Variants in COL4A5 observed in about 807,000 individuals in gnomAD.
The protein encoded by COL4A5 is collagen type IV alpha 5 chain.
Under a neutral mutation model 130.2 loss-of-function variants are expected in COL4A5, and 26 were observed. The ratio of observed to expected loss-of-function variants is 0.20; its 90% CI spans 0.15 to 0.28. The LOEUF is 0.28. COL4A5 is among the 10% of genes least tolerant of loss of function. The pLI, the probability that COL4A5 is intolerant of heterozygous loss-of-function variation, is 1.00. For synonymous variants in COL4A5, 496 were observed against 439.6 expected, an observed-to-expected ratio of 1.13 and a Z score of -1.60; for missense variants, 1,131 against 1,344.3, an observed-to-expected ratio of 0.84 and a Z score of 2.48.
intron 1 of COL4A5, among the ~76,000 whole-genome samples, chrX:108,471,126 G>A (rs775373312): frequency 9.0e-6 from 1 of 111,371 alleles, no homozygotes; most frequent in Admixed American, 9.6e-5. Flanking sequence ...TTGGCTATTT[G>A]GGCTCTTTTT....
chrX:108,507,247 CAA>C (rs1195605237), intron 1 of COL4A5, among the ~76,000 whole-genome samples: 1 of 50,873 alleles, frequency 2.0e-5, no homozygotes, highest in African/African-American at 6.0e-5. Flanking sequence ...ACAACAACAA[CAA>C]AAAAAAAAAA....
At chrX:108,681,246 A>G (rs1257240767) in intron 46 of COL4A5, among the ~76,000 whole-genome samples, 1 of 111,462 alleles carries the variant, frequency 9.0e-6, no homozygotes, top group East Asian at 2.8e-4. Context: ...AGATCACAAG[A>G]GCAAGTCACA....
At chrX:108,480,351 C>T (rs772753298) in intron 1 of COL4A5, among the ~76,000 whole-genome samples, 104 of 112,552 alleles carry the variant, frequency 9.2e-4, no homozygotes, top group African/African-American at 3.1e-3. Flanking sequence ...GAATTTTAGT[C>T]GGATTTATTT....
chrX:108,670,566 C>A, intron 42 of COL4A5: 1 of 333,535 alleles, frequency 3.0e-6, no homozygotes, highest in Non-Finnish European at 5.5e-6. Flanking sequence ...TAATTTATAT[C>A]TGTTAATGCA....
intron 29 of COL4A5, 22 bp downstream of exon 29, chrX:108,606,914 C>G (rs193010015): frequency 1.7e-5 from 20 of 1,206,444 alleles, no homozygotes; most frequent in Non-Finnish European, 2.2e-5. Flanking sequence ...GTCACTGCAT[C>G]TCAACTTGCT....
intron 30 of COL4A5, among the ~76,000 whole-genome samples, chrX:108,619,348 C>G (rs750323407): frequency 8.9e-6 from 1 of 111,790 alleles, no homozygotes; most frequent in African/African-American, 3.2e-5. Flanking sequence ...TCTGGCTCAA[C>G]CCCTAGTTTC....
chrX:108,649,540 G>T (rs761863057), intron 36 of COL4A5, among the ~76,000 whole-genome samples: 1 of 111,936 alleles, frequency 8.9e-6, no homozygotes, highest in Non-Finnish European at 1.9e-5. Context: ...AAACAGCATG[G>T]TACTGGTATA....
At position 108,523,033 on chromosome X, in the gene COL4A5, C is replaced by T. The variant is rs762064591; in HGVS notation, c.82-16713C>T. 2.8e-5 allele frequency among the ~76,000 whole-genome samples: 3 copies of T among 108,634 alleles called. No homozygotes were observed. In the South Asian group the frequency reaches 1.3e-3, roughly 45 times the overall value. The allele number at this position is 108,634 out of a possible 115,157, so 94.3% of individuals were successfully genotyped here. On this transcript the variant is annotated intron_variant, in intron 1 of 52. Coordinates refer to ENST00000328300, the MANE Select transcript of COL4A5 (RefSeq NM_033380.3). ...GCTGGAATTACAGGTGCGCGTGCCA[C>T]CATGCCCTAATTTTTGTATTTTTAG...
At chrX:108,560,359 A>C (rs1467062497) in intron 3 of COL4A5, among the ~76,000 whole-genome samples, 1 of 112,550 alleles carries the variant, frequency 8.9e-6, no homozygotes, top group Non-Finnish European at 1.9e-5. Context: ...GACCCCTCAC[A>C]GTTGGCCAGC....
intron 13 of COL4A5, among the ~76,000 whole-genome samples, chrX:108,579,274 G>A (rs2066205409): frequency 8.9e-6 from 1 of 112,312 alleles, no homozygotes; most frequent in Admixed American, 9.4e-5. Context: ...CATACAATAT[G>A]TGGTCTTCTG....
chrX:108,581,873 T>A lies in COL4A5; in HGVS notation c.936+846T>A, dbSNP rs779085505. Among the ~76,000 whole-genome samples, 4 of 110,127 alleles carry A rather than the reference T, an allele frequency of 3.6e-5. No individual in the cohort carries two copies. In the South Asian group the frequency reaches 1.5e-3, roughly 43 times the overall value. Reference sequence around the variant, plus strand: ...TATGAATATAAATATTCCCATACAGTTTTTTTGTGTGTGTGTGAACATGTT... The same window carrying A: ...TATGAATATAAATATTCCCATACAGATTTTTTGTGTGTGTGTGAACATGTT... On this transcript the variant is annotated intron_variant, in intron 16 of 52. Transcript: ENST00000328300.
intron 8 of COL4A5, among the ~76,000 whole-genome samples, chrX:108,572,041 G>A (rs2066073680): frequency 9.0e-6 from 1 of 111,658 alleles, no homozygotes; most frequent in Non-Finnish European, 1.9e-5. Flanking sequence ...ACTTGAAAAT[G>A]TGTATATCAG....
Position 108,488,511 on chromosome X carries a change from G to A in COL4A5, c.81+48305G>A, listed in dbSNP as rs143588358. Reference sequence around the variant, plus strand: ...TCATTTTGGTAGATATTGCCAGAATGTCCTCTATAGAAGTTGTGCCCAATT... The same window carrying A: ...TCATTTTGGTAGATATTGCCAGAATATCCTCTATAGAAGTTGTGCCCAATT... On this transcript the variant is annotated intron_variant, in intron 1 of 52. Coordinates refer to ENST00000328300, the MANE Select transcript of COL4A5 (RefSeq NM_033380.3). Among the ~76,000 whole-genome samples the A allele has an allele frequency of 7.2e-3, 807 of 112,085 alleles. 27 individuals carry two copies. In the East Asian group the frequency reaches 0.13, roughly 18 times the overall value.
intron 1 of COL4A5, among the ~76,000 whole-genome samples, chrX:108,491,038 A>T (rs1374217023): frequency 8.9e-6 from 1 of 111,989 alleles, no homozygotes; most frequent in Admixed American, 9.5e-5. Context: ...CATTTTCTTT[A>T]TCCAGTCTGT....
chrX:108,591,192 C>A lies in COL4A5; in HGVS notation c.1300C>A (p.Pro434Thr). 1.7e-6 allele frequency: 2 copies of A among 1,209,792 alleles called. No homozygotes were observed. The highest frequency in any genetic ancestry group is 2.2e-6 in the Non-Finnish European group (2 of 894,877). ...LDGQPGAPGLPGPPGPAGPHI... is the reference protein window; with the variant it reads ...LDGQPGAPGLTGPPGPAGPHI... ...CGGACAGCCTGGGGCTCCTGGGCTT[C>A]CAGGGCCTCCTGGCCCTGCTGGCCC... The change falls in exon 20 of 53, where the codon CCA (proline) becomes ACA (threonine). Residue 434 changes from proline to threonine, a missense_variant. Coordinates refer to ENST00000328300, the MANE Select transcript of COL4A5 (RefSeq NM_033380.3).
At chrX:108,628,385 C>T (rs1381484560) in intron 36 of COL4A5, among the ~76,000 whole-genome samples, 4 of 111,090 alleles carry the variant, frequency 3.6e-5, no homozygotes, top group African/African-American at 1.3e-4. Flanking sequence ...CACCTTTATA[C>T]TTTCATGATT....
chrX:108,634,435 C>T (rs1186947106), intron 36 of COL4A5, among the ~76,000 whole-genome samples: 2 of 110,992 alleles, frequency 1.8e-5, no homozygotes, highest in African/African-American at 3.3e-5. Context: ...GAAGTGTTGC[C>T]ATCACAAATT....
Position 108,571,475 on chromosome X carries a change from T to C in COL4A5, c.438+9T>C, listed in dbSNP as rs1334779641. 2.5e-6 allele frequency: 3 copies of C among 1,179,986 alleles called. No homozygotes were observed. Among genetic ancestry groups the C allele is most frequent in the Non-Finnish European group, 1.2e-6 (1 of 868,716 alleles). The stretch of plus-strand genomic sequence containing the variant: ...GTTTACAGGGTCCTCCAGTAAGTTA[T>C]AAAATTTGGGATTATGATGAACACA... On this transcript the variant is annotated intron_variant, in intron 7 of 52. Coordinates refer to ENST00000328300, the MANE Select transcript of COL4A5 (RefSeq NM_033380.3).
intron 30 of COL4A5, among the ~76,000 whole-genome samples, chrX:108,616,410 A>G (rs1247420747): frequency 9.1e-6 from 1 of 110,078 alleles, no homozygotes; most frequent in Non-Finnish European, 1.9e-5. Context: ...TAATTTTTGT[A>G]TTTTTAGTAG....
Sources: gnomAD v4.1 joint callset for allele counts (sites outside exome capture counted in the v4.1 genomes callset) on GRCh38, gnomAD v4.1.1 for gene constraint, MANE v1.5 for transcripts, NCBI Gene and HGNC (gene_info 2026-07-23, HGNC 2026-07-21) for gene names.